The following CCDC14 variants were observed in gnomAD, a reference collection of about 807,000 sequenced individuals.
CCDC14 encodes the protein coiled-coil domain containing 14.
CCDC14 carries 71 observed loss-of-function variants against 81.4 expected under a neutral mutation model. The ratio of observed to expected loss-of-function variants is 0.87; its 90% CI spans 0.72 to 1.06. CCDC14 has a LOEUF of 1.06. Among genes scored for constraint, CCDC14 ranks in the 50% least tolerant of loss-of-function variants. The probability of loss-of-function intolerance (pLI) is 0.00; values close to 1 mark genes in which losing one functional copy is unlikely to be tolerated. For synonymous variants in CCDC14, 332 were observed against 364.8 expected (o/e 0.91, Z 1.03); for missense variants, 1,046 against 1,047.3 (o/e 1.00, Z 0.02).
intron 5 of CCDC14, among the ~76,000 whole-genome samples, chr3:123,898,868 TTTTG>T (rs59551270): frequency 0.13 from 18,425 of 139,976 alleles, 2,707 homozygotes; most frequent in East Asian, 0.49. Flanking sequence ...TTGTAGGTTT[TTTTG>T]TTTGTTTGGT....
rs1050675578 is a variant in CCDC14 at position 123,961,178 on chromosome 3, C to T, written c.-5G>A. The stretch of plus-strand genomic sequence containing the variant: ...TCGAGCTCCAGACCTGACCATCTCT[C>T]GCCGCCTCAGAGAAGCCCAGACCGA... On this transcript the variant is annotated 5_prime_UTR_variant, in exon 1 of 13. Coordinates refer to ENST00000409697, the MANE Select transcript of CCDC14 (RefSeq NM_001366335.1). 16 of 1,551,526 alleles carry T rather than the reference C, an allele frequency of 1.0e-5. No homozygotes were observed. Among genetic ancestry groups the T allele is most frequent in the African/African-American group, 1.4e-5 (1 of 73,046 alleles).
chr3:123,938,083 T>C (rs1483269485), intron 9 of CCDC14, among the ~76,000 whole-genome samples: 1 of 151,868 alleles, frequency 6.6e-6, no homozygotes, highest in East Asian at 1.9e-4. Flanking sequence ...CCAACTTGGT[T>C]TTCCTTTCTC....
chr3:123,888,574 TTGAC>T, the CCDC14 span, among the ~76,000 whole-genome samples: 1 of 152,190 alleles, frequency 6.6e-6, no homozygotes, highest in Non-Finnish European at 1.5e-5. Flanking sequence ...AGAGATTTAA[TTGAC>T]TGACAGTTCC....
At chr3:123,910,061 C>T (rs1356151747), downstream of CCDC14, among the ~76,000 whole-genome samples, 1 of 152,116 alleles carries the variant, frequency 6.6e-6, no homozygotes, top group Non-Finnish European at 1.5e-5. Context: ...TTGAGCTCTT[C>T]CTTTAGAAGC....
chr3:123,917,030 C>T (rs938530802), intron 12 of CCDC14, among the ~76,000 whole-genome samples: 1 of 151,284 alleles, frequency 6.6e-6, no homozygotes, highest in Admixed American at 6.6e-5. Flanking sequence ...TTTTTAGTAG[C>T]GACGGGGTTT....
At chr3:123,941,998 G>C (rs1045560849) in intron 9 of CCDC14, among the ~76,000 whole-genome samples, 11 of 151,892 alleles carry the variant, frequency 7.2e-5, no homozygotes, top group Non-Finnish European at 1.3e-4. Context: ...TAAATAATAT[G>C]CTTGTTTACT....
Position 123,933,697 on chromosome 3 carries a change from CA to C in CCDC14, c.1401del (p.Gly468ValfsTer15). ...CATTCAAGGTTGCAATCCACAGCACCAGATGGTTTTTGAGTTTTCTGTTGTT... is the reference window on the plus strand; with the variant it reads ...CATTCAAGGTTGCAATCCACAGCACCGATGGTTTTTGAGTTTTCTGTTGTT... ...LREQQKTQKP[S>X]GAVDCNLELF... On this transcript the variant is annotated frameshift_variant, in exon 10 of 13. Transcript: ENST00000409697. LOFTEE classifies it high-confidence loss of function. The C allele has an allele frequency of 6.4e-7, 1 of 1,574,722 alleles. No homozygotes were observed. Among genetic ancestry groups the C allele is most frequent in the Non-Finnish European group, 8.6e-7 (1 of 1,157,518 alleles).
chr3:123,942,694 T>C (rs1487239850), intron 9 of CCDC14, among the ~76,000 whole-genome samples: 1 of 152,104 alleles, frequency 6.6e-6, no homozygotes, highest in Non-Finnish European at 1.5e-5. Context: ...CACATTCGCA[T>C]TGCAGTGCTG....
At chr3:123,929,837 G>A (rs763741310) in intron 12 of CCDC14, among the ~76,000 whole-genome samples, 1 of 152,044 alleles carries the variant, frequency 6.6e-6, no homozygotes, top group Non-Finnish European at 1.5e-5. Context: ...TGGACATTTC[G>A]TATAAATGGA....
At position 123,959,206 on chromosome 3, in the gene CCDC14, G is replaced by A. The variant is rs191060508; in HGVS notation, c.30+1938C>T. Among the ~76,000 whole-genome samples the A allele has an allele frequency of 2.7e-3, 414 of 152,278 alleles. 5 individuals carry two copies. Among genetic ancestry groups the A allele is most frequent in the African/African-American group, 9.2e-3 (383 of 41,574 alleles). ...ATAGTTCTATATTTAATTTGGTGAG[G>A]AATCTCCATATTGTTTTCCATAGCA... On this transcript the variant is annotated intron_variant, in intron 1 of 12. Coordinates refer to ENST00000409697, the MANE Select transcript of CCDC14 (RefSeq NM_001366335.1).
intron 12 of CCDC14, among the ~76,000 whole-genome samples, chr3:123,921,465 A>G (rs112734104): frequency 1.0e-3 from 155 of 152,354 alleles, no homozygotes; most frequent in African/African-American, 3.4e-3. Flanking sequence ...AAAGGCATCA[A>G]TCTGCAATTG....
chr3:123,912,578 C>T (rs867439719), downstream of CCDC14, among the ~76,000 whole-genome samples: 11 of 152,244 alleles, frequency 7.2e-5, no homozygotes, highest in Admixed American at 4.6e-4. Context: ...TCCTTTTTCA[C>T]TTTTATTGCC....
At chr3:123,918,688 T>C (rs909607271) in intron 12 of CCDC14, among the ~76,000 whole-genome samples, 13 of 152,222 alleles carry the variant, frequency 8.5e-5, no homozygotes, top group African/African-American at 3.1e-4. Flanking sequence ...CCTGGCATTC[T>C]GGGATGCTTC....
intron 9 of CCDC14, among the ~76,000 whole-genome samples, chr3:123,937,642 T>C (rs572668021): frequency 1.3e-5 from 2 of 152,088 alleles, no homozygotes; most frequent in African/African-American, 4.8e-5. Flanking sequence ...TAAGTGTTTT[T>C]TGAAGAACTG....
intron 1 of CCDC14, 113 bp downstream of exon 1, chr3:123,961,031 G>A (rs761214021): frequency 9.5e-6 from 9 of 947,190 alleles, no homozygotes; most frequent in Non-Finnish European, 1.4e-5. Flanking sequence ...GCACTTTAAT[G>A]TCGCCGCATT....
chr3:123,925,944 A>C (rs1201458581), intron 12 of CCDC14, among the ~76,000 whole-genome samples: 2 of 152,212 alleles, frequency 1.3e-5, no homozygotes, highest in Non-Finnish European at 2.9e-5. Flanking sequence ...AAAGAAGCTA[A>C]TGAGTTGTTA....
chr3:123,946,897 A>G lies in CCDC14; in HGVS notation c.1107T>C (p.Asp369=). 6.2e-7 allele frequency: 1 copy of G among 1,613,914 alleles called. No homozygotes were observed. Among genetic ancestry groups the G allele is most frequent in the African/African-American group, 1.3e-5 (1 of 75,022 alleles). ...TGTTCACATTTTTTGCCTTCTGTAC[A>G]TCCTTCACTGTTTTTGTATCTCGCA... is the stretch of plus-strand genomic sequence containing the variant. ...IHVRDTKTVK[D]VQKAKNVNKT... The change falls in exon 8 of 13, where the codon GAT becomes GAC. Residue 369 remains aspartate (D), a synonymous_variant. Transcript: ENST00000409697.
At chr3:123,930,153 A>C (rs1014553636) in intron 12 of CCDC14, among the ~76,000 whole-genome samples, 5 of 152,218 alleles carry the variant, frequency 3.3e-5, no homozygotes, top group African/African-American at 1.2e-4. Context: ...AATGTGGAAA[A>C]AGGGCAATAT....
intron 12 of CCDC14, among the ~76,000 whole-genome samples, chr3:123,919,065 G>A (rs548434573): frequency 4.6e-5 from 7 of 152,130 alleles, no homozygotes; most frequent in East Asian, 1.9e-4. Flanking sequence ...GAGGGCGAGC[G>A]GTAACCCCAT....
Sources: gnomAD v4.1 joint callset for allele counts (sites outside exome capture counted in the v4.1 genomes callset) on GRCh38, gnomAD v4.1.1 for gene constraint, MANE v1.5 for transcripts, NCBI Gene and HGNC (gene_info 2026-07-23, HGNC 2026-07-21) for gene names.